Variants in METTL15 observed in about 807,000 individuals in gnomAD.
METTL15 encodes the protein methyltransferase 15, mitochondrial 12S rRNA N4-cytidine.
METTL15 carries 34 observed loss-of-function variants against 38.3 expected under a neutral mutation model. The ratio of observed to expected loss-of-function variants is 0.89; its 90% CI spans 0.68 to 1.18. METTL15 has a LOEUF of 1.18. Ranked by LOEUF, METTL15 falls within the 50% of genes most tolerant of loss-of-function variation. The pLI is 0.00. For synonymous variants in METTL15, 162 were observed against 170.9 expected, an observed-to-expected ratio of 0.95 and a Z score of 0.41; for missense variants, 438 against 498.4, an observed-to-expected ratio of 0.88 and a Z score of 1.15.
At chr11:28,515,765 G>A (rs1851715016) in intron 6 of METTL15, among the ~76,000 whole-genome samples, 1 of 152,192 alleles carries the variant, frequency 6.6e-6, no homozygotes, top group Non-Finnish European at 1.5e-5. Context: ...AGTGCATGAA[G>A]AAGTTACAAC....
intron 3 of METTL15, among the ~76,000 whole-genome samples, chr11:28,179,520 A>G (rs538029141): frequency 6.6e-6 from 1 of 151,942 alleles, no homozygotes; most frequent in East Asian, 1.9e-4. Context: ...CATTCACATG[A>G]AATCATAAAC....
At chr11:28,275,155 T>C (rs184617637) in intron 4 of METTL15, among the ~76,000 whole-genome samples, 3 of 150,012 alleles carry the variant, frequency 2.0e-5, no homozygotes, top group Non-Finnish European at 4.5e-5. Flanking sequence ...AGAAACAATA[T>C]AAAGGATCAA....
At chr11:28,229,038 G>A (rs556011975) in intron 4 of METTL15, among the ~76,000 whole-genome samples, 1 of 151,872 alleles carries the variant, frequency 6.6e-6, no homozygotes, top group East Asian at 1.9e-4. Flanking sequence ...ATCTTTCTAT[G>A]TCTGTATTTT....
At chr11:28,407,744 G>A (rs544673049) in intron 5 of METTL15, among the ~76,000 whole-genome samples, 12 of 152,284 alleles carry the variant, frequency 7.9e-5, no homozygotes, top group East Asian at 1.9e-4. Flanking sequence ...GGAACACAGT[G>A]TGTTGATTCC....
rs1429597234 is a variant in METTL15, at chr11:28,167,564, T to C, written c.271-43498T>C. Among the ~76,000 whole-genome samples the C allele has an allele frequency of 3.9e-5, 6 of 152,132 alleles. No homozygotes were observed. In the South Asian group the frequency reaches 1.0e-3, roughly 26 times the overall value. On this transcript the variant is annotated intron_variant, in intron 3 of 6. Transcript: ENST00000407364. ...GCCCTCCAGGATTCAGTATTCCAGT[T>C]GGGAACATCTAATTATGTAAGTATA... is the stretch of plus-strand genomic sequence containing the variant.
intron 6 of METTL15, among the ~76,000 whole-genome samples, chr11:28,501,196 G>A (rs1851580132): frequency 6.6e-6 from 1 of 152,130 alleles, no homozygotes; most frequent in African/African-American, 2.4e-5. Flanking sequence ...AACAGTAGAT[G>A]GGCAGCTATG....
chr11:28,356,405 G>A (rs1056492371), intron 4 of METTL15, among the ~76,000 whole-genome samples: 3 of 152,142 alleles, frequency 2.0e-5, no homozygotes, highest in South Asian at 2.1e-4. Flanking sequence ...AGCCTTCTCT[G>A]TATACAAGTA....
chr11:28,386,598 GA>G (rs1850443629), intron 5 of METTL15, among the ~76,000 whole-genome samples: 2 of 151,964 alleles, frequency 1.3e-5, no homozygotes, highest in East Asian at 3.8e-4. Context: ...GAATTGAAAG[GA>G]GAAATAAATG....
At chr11:28,463,598 T>C (rs949022928) in intron 6 of METTL15, among the ~76,000 whole-genome samples, 6 of 152,146 alleles carry the variant, frequency 3.9e-5, no homozygotes, top group Non-Finnish European at 8.8e-5. Flanking sequence ...TGAAACTGCA[T>C]AGCATGAGGA....
intron 4 of METTL15, among the ~76,000 whole-genome samples, chr11:28,286,023 G>T (rs1433208731): frequency 1.3e-5 from 2 of 152,004 alleles, no homozygotes; most frequent in Non-Finnish European, 2.9e-5. Context: ...AGGAGAAACA[G>T]AATCAATAAG....
intron 5 of METTL15, among the ~76,000 whole-genome samples, chr11:28,293,967 G>A (rs970380279): frequency 2.0e-5 from 3 of 152,134 alleles, no homozygotes; most frequent in Non-Finnish European, 4.4e-5. Context: ...CTGAGACGAT[G>A]GGGTTTTCTA....
intron 6 of METTL15, among the ~76,000 whole-genome samples, chr11:28,465,116 G>A (rs1033336497): frequency 2.0e-5 from 3 of 152,104 alleles, no homozygotes; most frequent in Non-Finnish European, 4.4e-5. Context: ...TTTCCCCTTG[G>A]CATTTTCTTA....
At chr11:28,153,847 G>A (rs984528573) in intron 3 of METTL15, among the ~76,000 whole-genome samples, 4 of 152,022 alleles carry the variant, frequency 2.6e-5, no homozygotes, top group Non-Finnish European at 5.9e-5. Context: ...GGATCTAATC[G>A]TTAGGCTCAT....
intron 5 of METTL15, among the ~76,000 whole-genome samples, chr11:28,372,869 G>C (rs1173606127): frequency 6.9e-6 from 1 of 144,178 alleles, no homozygotes; most frequent in Non-Finnish European, 1.5e-5. Context: ...AATATGCGGT[G>C]TTTGGTTTTT....
chr11:28,333,695 G>A (rs755857381), downstream of METTL15, among the ~76,000 whole-genome samples: 5 of 151,316 alleles, frequency 3.3e-5, no homozygotes, highest in Non-Finnish European at 5.9e-5. Flanking sequence ...AAGTTTCTAG[G>A]GGTGTTCTTG....
chr11:28,531,600 A>T (rs1342725660), downstream of METTL15, among the ~76,000 whole-genome samples: 1 of 152,066 alleles, frequency 6.6e-6, no homozygotes, highest in African/African-American at 2.4e-5. Flanking sequence ...AATAATGCCT[A>T]CCTCACCGTA....
At chr11:28,143,267 T>TA (rs955503062) in intron 3 of METTL15, among the ~76,000 whole-genome samples, 1 of 152,114 alleles carries the variant, frequency 6.6e-6, no homozygotes, top group Non-Finnish European at 1.5e-5. Flanking sequence ...ACCCATGTGA[T>TA]ACAGTCCTTG....
chr11:28,427,665 A>G (rs760932241), intron 6 of METTL15, among the ~76,000 whole-genome samples: 9 of 152,106 alleles, frequency 5.9e-5, no homozygotes, highest in Non-Finnish European at 1.2e-4. Context: ...TGTTAGCTGT[A>G]TTCCTAGGTA....
chr11:28,240,011 C>T (rs1345548162), intron 4 of METTL15, among the ~76,000 whole-genome samples: 3 of 152,010 alleles, frequency 2.0e-5, no homozygotes, highest in Non-Finnish European at 2.9e-5. Flanking sequence ...AGTTGCTGGC[C>T]ATAATAGGGT....
Sources: allele counts gnomAD v4.1 joint callset (sites outside exome capture counted in the v4.1 genomes callset), GRCh38; gene constraint gnomAD v4.1.1; transcripts MANE v1.5; gene names NCBI Gene and HGNC (gene_info 2026-07-23, HGNC 2026-07-21).